The following APBB1IP variants were observed in gnomAD, a reference collection of about 807,000 sequenced individuals.
APBB1IP encodes amyloid beta precursor protein binding family B member 1 interacting protein.
In APBB1IP, 27 loss-of-function variants were observed where a neutral mutation model predicts 64.9. The ratio of observed to expected loss-of-function variants is 0.42; its 90% CI spans 0.31 to 0.57. The LOEUF (loss-of-function observed/expected upper bound fraction) is 0.57. Among genes scored for constraint, APBB1IP ranks in the 20% least tolerant of loss-of-function variants. The pLI, the probability that APBB1IP is intolerant of heterozygous loss-of-function variation, is 0.20. For synonymous variants in APBB1IP, 392 were observed against 331.0 expected, an observed-to-expected ratio of 1.18 and a Z score of -2.00; for missense variants, 812 against 845.5, an observed-to-expected ratio of 0.96 and a Z score of 0.49.
intron 2 of APBB1IP, among the ~76,000 whole-genome samples, chr10:26,474,407 TATGCTC>T (rs1835753417): frequency 6.6e-6 from 1 of 152,214 alleles, no homozygotes; most frequent in Non-Finnish European, 1.5e-5. Context: ...TTGACACTAA[TATGCTC>T]ATGCTAAGTA....
At chr10:26,553,883 A>T (rs1363165368) in intron 11 of APBB1IP, among the ~76,000 whole-genome samples, 1 of 151,906 alleles carries the variant, frequency 6.6e-6, no homozygotes, top group Admixed American at 6.6e-5. Flanking sequence ...TGGTCTTCAA[A>T]CTGGACCCCT....
At chr10:26,526,602 C>G (rs886676845) in intron 8 of APBB1IP, among the ~76,000 whole-genome samples, 1 of 152,054 alleles carries the variant, frequency 6.6e-6, no homozygotes, top group African/African-American at 2.4e-5. Flanking sequence ...GCCTGTAGTC[C>G]CAGCTACTCG....
chr10:26,463,217 C>T lies in APBB1IP; in HGVS notation c.-1+24364C>T, dbSNP rs570055763. Among the ~76,000 whole-genome samples the T allele has an allele frequency of 7.2e-5, 11 of 152,272 alleles. No individual in the cohort carries two copies. In the South Asian group the frequency reaches 2.1e-3, roughly 29 times the overall value. On this transcript the variant is annotated intron_variant, in intron 2 of 14. Transcript: ENST00000376236. ...TTTTGAGAGGCAGAGGTGGGAGAAT[C>T]ATTTGGTGCTAGGAGTTCAAGACTA...
At chr10:26,469,840 G>C (rs535392584) in intron 2 of APBB1IP, among the ~76,000 whole-genome samples, 3 of 152,186 alleles carry the variant, frequency 2.0e-5, no homozygotes, top group Admixed American at 2.0e-4. Context: ...TGTTCAGCTC[G>C]TACTTATAAG....
Position 26,443,584 on chromosome 10 carries a change from G to A in APBB1IP, c.-1+4731G>A, listed in dbSNP as rs1304798779. ...CATTTTTGAGACAGGGTGCAGGCTGGAGTGCAGCAGCACAATTAAGGCTCA... is the reference window on the plus strand; with the variant it reads ...CATTTTTGAGACAGGGTGCAGGCTGAAGTGCAGCAGCACAATTAAGGCTCA... On this transcript the variant is annotated intron_variant, in intron 2 of 14. Transcript: ENST00000376236. Among the ~76,000 whole-genome samples, 3 of 151,876 alleles carry A rather than the reference G, an allele frequency of 2.0e-5. No homozygotes were observed. In the East Asian group the frequency reaches 5.8e-4, roughly 29 times the overall value.
intron 8 of APBB1IP, among the ~76,000 whole-genome samples, chr10:26,517,083 C>A (rs1836341254): frequency 6.6e-6 from 1 of 152,198 alleles, no homozygotes; most frequent in South Asian, 2.1e-4. Context: ...GGTCAGCTCA[C>A]CCTTTCTGGA....
chr10:26,514,746 T>C (rs1169536582), intron 8 of APBB1IP, among the ~76,000 whole-genome samples: 2 of 152,154 alleles, frequency 1.3e-5, no homozygotes, highest in Non-Finnish European at 1.5e-5. Flanking sequence ...ATTTCTCCTA[T>C]AAATGCTATT....
intron 11 of APBB1IP, among the ~76,000 whole-genome samples, chr10:26,545,778 C>A (rs1237182620): frequency 1.0e-3 from 56 of 55,548 alleles, no homozygotes; most frequent in Non-Finnish European, 1.0e-3. Context: ...AACAAACAAA[C>A]AAACAAAAAA....
At chr10:26,447,158 G>T (rs1219898885) in intron 2 of APBB1IP, among the ~76,000 whole-genome samples, 3 of 151,930 alleles carry the variant, frequency 2.0e-5, no homozygotes, top group Non-Finnish European at 2.9e-5. Flanking sequence ...CAGATCACGA[G>T]GTCAGGAGAT....
At chr10:26,558,615 T>TAAAAATAAAA (rs1836924567) in intron 11 of APBB1IP, among the ~76,000 whole-genome samples, 1 of 131,252 alleles carries the variant, frequency 7.6e-6, no homozygotes. Flanking sequence ...AGTGTTTCTT[T>TAAAAATAAAA]AAAAAAAAAA....
At chr10:26,441,308 A>G (rs1333411553) in intron 2 of APBB1IP, among the ~76,000 whole-genome samples, 1 of 152,214 alleles carries the variant, frequency 6.6e-6, no homozygotes, top group Admixed American at 6.5e-5. Flanking sequence ...AATTATCGTG[A>G]GAAACATGAC....
chr10:26,469,142 T>C (rs993752142), intron 2 of APBB1IP, among the ~76,000 whole-genome samples: 3 of 151,944 alleles, frequency 2.0e-5, no homozygotes, highest in East Asian at 3.9e-4. Context: ...ACTTTTTGAC[T>C]CTTGAAATAA....
chr10:26,483,887 A>T (rs1196445875), intron 2 of APBB1IP, among the ~76,000 whole-genome samples: 1 of 151,966 alleles, frequency 6.6e-6, no homozygotes, highest in South Asian at 2.1e-4. Context: ...TAATTTTTTT[A>T]TTTTTTGTAG....
chr10:26,454,013 G>A (rs893686990), intron 2 of APBB1IP, among the ~76,000 whole-genome samples: 2 of 152,166 alleles, frequency 1.3e-5, no homozygotes, highest in Admixed American at 6.5e-5. Context: ...ATCCACAATG[G>A]AGTACTATTC....
At chr10:26,486,441 C>G (rs1314016216) in intron 2 of APBB1IP, among the ~76,000 whole-genome samples, 1 of 152,132 alleles carries the variant, frequency 6.6e-6, no homozygotes. Flanking sequence ...GCCAAGGGTT[C>G]TAAGTCAGAC....
chr10:26,464,600 G>T (rs1328779508), intron 2 of APBB1IP, among the ~76,000 whole-genome samples: 1 of 152,096 alleles, frequency 6.6e-6, no homozygotes, highest in Non-Finnish European at 1.5e-5. Flanking sequence ...GTGGAGACAG[G>T]TTCTTGTTGT....
In APBB1IP at chr10:26,495,381, A is replaced by C. The variant is rs371573557; in HGVS notation, c.73-923A>C. On this transcript the variant is annotated intron_variant, in intron 3 of 14. Transcript: ENST00000376236. ...AAGTGAACGTGTGTGGTCTCTCTGTACCTCATTCCTGCAGCCAGTGGGGGA... is the reference window on the plus strand; with the variant it reads ...AAGTGAACGTGTGTGGTCTCTCTGTCCCTCATTCCTGCAGCCAGTGGGGGA... Among the ~76,000 whole-genome samples the C allele has an allele frequency of 4.9e-4, 74 of 151,074 alleles. 1 individual carries two copies. The South Asian group carries it at 0.015, about 31-fold the overall frequency.
At chr10:26,510,734 T>TCTCTCTCACACA (rs375916170) in intron 6 of APBB1IP, among the ~76,000 whole-genome samples, 1,733 of 135,964 alleles carry the variant, frequency 0.013, 31 homozygotes, top group South Asian at 0.077. Context: ...AGACCCTGTC[T>TCTCTCTCACACA]CACACACACA....
In APBB1IP at chr10:26,562,422, C is replaced by G. The variant is rs1327803771; in HGVS notation, c.1466C>G (p.Thr489Arg). ...VLQEAQRHAE[T>R]SKDKKPALGN... Reference sequence around the variant, plus strand: ...CAAGAGGCCCAGAGACATGCTGAAACATCGAAGGTAAAACCAGCAAGCAGC... The same window carrying G: ...CAAGAGGCCCAGAGACATGCTGAAAGATCGAAGGTAAAACCAGCAAGCAGC... The change falls in exon 14 of 15, where the codon ACA (threonine) becomes AGA (arginine). Residue 489 changes from threonine to arginine, a missense_variant. Thr to Arg is a moderately conservative substitution (Grantham distance 71, BLOSUM62 -1). This residue lies in a region of APBB1IP where 381 missense variants were observed against 352.1 expected (regional missense o/e 1.08). Coordinates refer to ENST00000376236, the MANE Select transcript of APBB1IP (RefSeq NM_019043.4). 2 of 1,613,448 alleles carry G rather than the reference C, an allele frequency of 1.2e-6. No homozygotes were observed. Among genetic ancestry groups the G allele is most frequent in the Non-Finnish European group, 1.7e-6 (2 of 1,179,630 alleles).
Sources: allele counts gnomAD v4.1 joint callset (sites outside exome capture counted in the v4.1 genomes callset), GRCh38; gene constraint gnomAD v4.1.1; regional missense constraint gnomAD v4.1.1; transcripts MANE v1.5; gene names NCBI Gene and HGNC (gene_info 2026-07-23, HGNC 2026-07-21).